The following MMRN1 variants were observed in gnomAD, a reference collection of about 807,000 sequenced individuals.
The protein encoded by MMRN1 is multimerin 1, also known as multimerin-1.
In MMRN1, 94 loss-of-function variants were observed where a neutral mutation model predicts 100.7. The ratio of observed to expected loss-of-function variants is 0.93; its 90% CI spans 0.79 to 1.11. The LOEUF (loss-of-function observed/expected upper bound fraction) is 1.11. Ranked by LOEUF, MMRN1 falls within the 50% of genes least tolerant of loss-of-function variation. The probability of loss-of-function intolerance (pLI) is 0.00; values close to 1 mark genes in which losing one functional copy is unlikely to be tolerated. For missense variants in MMRN1, 1,606 were observed against 1,439.1 expected (o/e 1.12, Z -1.88); for synonymous variants, 575 against 505.0 (o/e 1.14, Z -1.86).
rs188259732 is a variant in MMRN1 at position 89,929,092 on chromosome 4, C to T, written c.1129+1124C>T. Among the ~76,000 whole-genome samples, 9 of 152,174 alleles carry T rather than the reference C, an allele frequency of 5.9e-5. No homozygotes were observed. In the East Asian group the frequency reaches 7.7e-4, roughly 13 times the overall value. The stretch of plus-strand genomic sequence containing the variant: ...TGATGTTAACCATGCAGAAAGGTTT[C>T]GGGTAGGGCAAGGATGTTCTAGGCA... On this transcript the variant is annotated intron_variant, in intron 5 of 7. Coordinates refer to ENST00000264790, the MANE Select transcript of MMRN1 (RefSeq NM_007351.3).
intron 1 of MMRN1, among the ~76,000 whole-genome samples, chr4:89,905,761 C>A (rs762915459): frequency 7.9e-5 from 12 of 151,566 alleles, no homozygotes; most frequent in Non-Finnish European, 1.5e-4. Context: ...TCTTCTCCCA[C>A]TTCTCAAAGA....
intron 5 of MMRN1, among the ~76,000 whole-genome samples, chr4:89,930,631 T>C (rs1722405983): frequency 6.6e-6 from 1 of 152,052 alleles, no homozygotes; most frequent in Admixed American, 6.6e-5. Flanking sequence ...AAGCTTTTGA[T>C]GTCATGAGAA....
Position 89,927,897 on chromosome 4 carries a change from G to A in MMRN1, c.1058G>A (p.Arg353Lys). The A allele has an allele frequency of 6.2e-7, 1 of 1,611,054 alleles. No homozygotes were observed. The change falls in exon 5 of 8, where the codon AGG becomes AAG. Residue 353 changes from arginine to lysine, a missense_variant. Transcript: ENST00000264790. ...ATTTCTTTGACTGTGAATGATGTAA[G>A]GAACACTTACTCCTCCCTAGAAGGA... ...DNISLTVNDV[R>K]NTYSSLEGKV...
intron 6 of MMRN1, among the ~76,000 whole-genome samples, chr4:89,947,816 G>C (rs774970609): frequency 3.3e-5 from 5 of 152,056 alleles, no homozygotes; most frequent in African/African-American, 7.2e-5. Flanking sequence ...AATAATAAAG[G>C]AGAAAAATAA....
intron 6 of MMRN1, among the ~76,000 whole-genome samples, chr4:89,938,325 G>T (rs1722710801): frequency 6.6e-6 from 1 of 150,988 alleles, no homozygotes; most frequent in Non-Finnish European, 1.5e-5. Flanking sequence ...AATATAAGAT[G>T]TTCTTAAAAT....
Position 89,953,401 on chromosome 4 carries a change from T to C in MMRN1, c.3670T>C (p.Leu1224=), listed in dbSNP as rs144935105. ...CCCTGTTACTACATTTAGTGGCTAT[T>C]TATTATATCGTACATAAGTTAGTAT... ...FPPVTTFSGY[L]LYRT Residue 1224 remains leucine (L), a synonymous_variant, in exon 8 of 8, where the codon TTA becomes CTA. Transcript: ENST00000264790. 13 of 1,606,266 alleles carry C rather than the reference T, an allele frequency of 8.1e-6. No homozygotes were observed. The highest frequency in any genetic ancestry group is 1.1e-5 in the Non-Finnish European group (13 of 1,176,912).
rs184386452 is a variant in MMRN1 at position 89,904,587 on chromosome 4, G to A, written c.624-4689G>A. ...TTTCACTTAGCATAGTATTTTCAAG[G>A]TTCTTCCTTTTCAAAGGTTGAATAA... is the stretch of plus-strand genomic sequence containing the variant. On this transcript the variant is annotated intron_variant, in intron 1 of 7. Transcript: ENST00000264790. Among the ~76,000 whole-genome samples, 11 of 151,512 alleles carry A rather than the reference G, an allele frequency of 7.3e-5. No homozygotes were observed. The East Asian group carries it at 2.1e-3, about 29-fold the overall frequency.
chr4:89,952,586 G>T (rs570045016), intron 7 of MMRN1, among the ~76,000 whole-genome samples: 1 of 152,062 alleles, frequency 6.6e-6, no homozygotes, highest in Admixed American at 6.6e-5. Context: ...ACAAGGTGCC[G>T]GAAAAATTGT....
At position 89,902,417 on chromosome 4, in the gene MMRN1, A is replaced by T. The variant is rs544145790; in HGVS notation, c.623+6823A>T. Among the ~76,000 whole-genome samples the T allele has an allele frequency of 2.6e-5, 4 of 152,168 alleles. No homozygotes were observed. In the South Asian group the frequency reaches 8.3e-4, roughly 32 times the overall value. On this transcript the variant is annotated intron_variant, in intron 1 of 7. Coordinates refer to ENST00000264790, the MANE Select transcript of MMRN1 (RefSeq NM_007351.3). ...AGGTTGACTTTAAGAATCATTACTT[A>T]TAAAATATATATGTTATACATATTT...
chr4:89,916,239 A>G (rs1721912004), intron 3 of MMRN1, among the ~76,000 whole-genome samples: 2 of 151,720 alleles, frequency 1.3e-5, no homozygotes, highest in East Asian at 3.9e-4. Context: ...CAGCCTTGGC[A>G]GGGACTCCAT....
At position 89,935,329 on chromosome 4, in the gene MMRN1, A is replaced by G. The variant is rs761382953; in HGVS notation, c.1649A>G (p.His550Arg). ...GTCACTGAGTACATGTCTACTTTACATGAAAATATAAAGAAGCAGAGTTTG... is the reference window on the plus strand; with the variant it reads ...GTCACTGAGTACATGTCTACTTTACGTGAAAATATAAAGAAGCAGAGTTTG... Reference protein sequence around the residue: ...NNVTEYMSTLHENIKKQSLMM... With the variant: ...NNVTEYMSTLRENIKKQSLMM... Residue 550 changes from histidine to arginine, a missense_variant, in exon 6 of 8, where the codon CAT becomes CGT. His to Arg is a conservative substitution (Grantham distance 29). Transcript: ENST00000264790. 2.5e-6 allele frequency: 4 copies of G among 1,613,354 alleles called. No homozygotes were observed. Among genetic ancestry groups the G allele is most frequent in the South Asian group, 2.2e-5 (2 of 90,962 alleles).
In MMRN1 at chr4:89,908,419, CA is replaced by C. The variant is rs554564224; in HGVS notation, c.624-855del. Among the ~76,000 whole-genome samples the C allele has an allele frequency of 2.5e-3, 383 of 151,450 alleles. 1 individual carries two copies. The highest frequency in any genetic ancestry group is 8.0e-3 in the African/African-American group (331 of 41,458). On this transcript the variant is annotated intron_variant, in intron 1 of 7. Transcript: ENST00000264790. The stretch of plus-strand genomic sequence containing the variant: ...AATAAGCTCATTTAACTCCTTATAT[CA>C]AGCTAAGATTTGTTGTGAAAATTCA...
intron 1 of MMRN1, 91 bp from the exon 2 acceptor site, chr4:89,909,185 A>G: frequency 7.1e-7 from 1 of 1,405,340 alleles, no homozygotes; most frequent in African/African-American, 1.4e-5. Flanking sequence ...ATAGTATGGC[A>G]AAAATAAATG....
chr4:89,912,333 G>A (rs546766073), intron 3 of MMRN1, among the ~76,000 whole-genome samples: 79 of 151,208 alleles, frequency 5.2e-4, no homozygotes, highest in Non-Finnish European at 8.2e-4. Flanking sequence ...AGCTATAGAG[G>A]CATGCCTTAT....
Position 89,935,559 on chromosome 4 carries a change from C to T in MMRN1, c.1879C>T (p.Pro627Ser), listed in dbSNP as rs1722593382. Residue 627 changes from proline to serine, a missense_variant, in exon 6 of 8, where the codon CCA becomes TCA. By Grantham distance (74) the Pro-to-Ser change is moderately conservative. Coordinates refer to ENST00000264790, the MANE Select transcript of MMRN1 (RefSeq NM_007351.3). Reference protein sequence around the residue: ...LNQTLAEVLFPMDNKMDKMSE... With the variant: ...LNQTLAEVLFSMDNKMDKMSE... The stretch of plus-strand genomic sequence containing the variant: ...TCAAACATTGGCTGAAGTTCTCTTT[C>T]CAATGGACAATAAGATGGACAAAAT... The T allele has an allele frequency of 6.2e-7, 1 of 1,613,296 alleles. No homozygotes were observed. Among genetic ancestry groups the T allele is most frequent in the Non-Finnish European group, 8.5e-7 (1 of 1,179,674 alleles).
At position 89,936,295 on chromosome 4, in the gene MMRN1, C is replaced by A; in HGVS notation, c.2615C>A (p.Thr872Lys). The A allele has an allele frequency of 6.2e-7, 1 of 1,612,022 alleles. No individual in the cohort carries two copies. The highest frequency in any genetic ancestry group is 1.1e-5 in the South Asian group (1 of 90,552). The change falls in exon 6 of 8, where the codon ACG (threonine) becomes AAG (lysine). Residue 872 changes from threonine (T) to lysine (K), a missense_variant. Coordinates refer to ENST00000264790, the MANE Select transcript of MMRN1 (RefSeq NM_007351.3). ...LQDIESKVTQ[T>K]LIPYYISVKK... ...GACATTGAGTCTAAAGTTACCCAGA[C>A]GCTCATACCTTATTATATTTCAGTT...
chr4:89,898,207 A>G (rs1178128607), intron 1 of MMRN1, among the ~76,000 whole-genome samples: 2 of 152,120 alleles, frequency 1.3e-5, no homozygotes, highest in Non-Finnish European at 2.9e-5. Context: ...AATAATAATA[A>G]TAGTAGCAAA....
intron 7 of MMRN1, 27 bp downstream of exon 7, chr4:89,951,778 G>A (rs1212769086): frequency 6.2e-7 from 1 of 1,604,614 alleles, no homozygotes; most frequent in Non-Finnish European, 8.5e-7. Context: ...CGCATCTTTG[G>A]ATTTGCTCAT....
At chr4:89,921,248 T>G (rs2110611802) in intron 3 of MMRN1, among the ~76,000 whole-genome samples, 1 of 152,242 alleles carries the variant, frequency 6.6e-6, no homozygotes, top group Middle Eastern at 3.4e-3. Context: ...CTGTTCTTAC[T>G]GCTATAAATA....
Sources: allele counts gnomAD v4.1 joint callset (sites outside exome capture counted in the v4.1 genomes callset), GRCh38; gene constraint gnomAD v4.1.1; transcripts MANE v1.5; gene names NCBI Gene and HGNC (gene_info 2026-07-23, HGNC 2026-07-21).